Variants in DCX observed in about 807,000 individuals in gnomAD.
DCX encodes the protein neuronal migration protein doublecortin.
Under a neutral mutation model 20.9 loss-of-function variants are expected in DCX, and 4 were observed. The ratio of observed to expected loss-of-function variants is 0.19; its 90% CI spans 0.09 to 0.44. DCX has a LOEUF of 0.44. DCX is among the 20% of genes least tolerant of loss of function. DCX has a pLI of 0.99. For missense variants in DCX, 133 were observed against 296.9 expected (o/e 0.45, Z 4.06); for synonymous variants, 103 against 111.4 (o/e 0.92, Z 0.47).
chrX:111,379,830 CT>C (rs1925829793), intron 3 of DCX, among the ~76,000 whole-genome samples: 1 of 111,295 alleles, frequency 9.0e-6, no homozygotes, highest in African/African-American at 3.3e-5. Flanking sequence ...CATGAGGTTT[CT>C]TTCTTTCTTT....
intron 3 of DCX, among the ~76,000 whole-genome samples, chrX:111,374,881 G>A (rs182658629): frequency 2.5e-3 from 266 of 107,037 alleles, no homozygotes; most frequent in Admixed American, 6.5e-3. Context: ...AGGTTGTCTC[G>A]CCACCTGCTG....
In DCX at chrX:111,294,551, T is replaced by C. The variant is rs1383591661; in HGVS notation, c.*7136A>G. The stretch of plus-strand genomic sequence containing the variant: ...CACAATGCTGTTCCTTAAGAAATGA[T>C]CAATAACTGCTGAGAGATGGTTGAG... On this transcript the variant is annotated 3_prime_UTR_variant, in exon 7 of 7. Transcript: ENST00000636035. The C allele has an allele frequency of 9.0e-6, 1 of 111,651 alleles. No individual in the cohort carries two copies. Among genetic ancestry groups the C allele is most frequent in the African/African-American group, 3.3e-5 (1 of 30,679 alleles). The allele number at this position is 111,651 out of a possible 1,213,427, so 9.2% of individuals were successfully genotyped here. A position where few individuals can be genotyped will look rare whatever the true frequency, so the allele number is the denominator to read the frequency against.
rs1556369834 is a variant in DCX, at chrX:111,316,092, A to ATAAATAAATAAATT, written c.947-3357_947-3356insAATTTATTTATTTA. 1.5e-3 allele frequency among the ~76,000 whole-genome samples: 145 copies of ATAAATAAATAAATT among 96,334 alleles called. 1 individual carries two copies. The highest frequency in any genetic ancestry group is 6.1e-3 in the African/African-American group (138 of 22,456). 83.7% of individuals were successfully genotyped at this position (96,334 alleles called of 115,157 possible). On this transcript the variant is annotated intron_variant, in intron 5 of 6. Transcript: ENST00000636035. ...CTTAGAGTATAATAAAAAATAAAAA[A>ATAAATAAATAAATT]AAAAAAAAAAAAAAAAAATGTTAAG...
intron 6 of DCX, among the ~76,000 whole-genome samples, chrX:111,306,214 T>C (rs1260041303): frequency 1.8e-5 from 2 of 110,867 alleles, no homozygotes; most frequent in Admixed American, 1.9e-4. Flanking sequence ...AACCCACAAA[T>C]ATGTTGAAAG....
intron 3 of DCX, among the ~76,000 whole-genome samples, chrX:111,355,653 C>T (rs1337180793): frequency 9.0e-6 from 1 of 111,275 alleles, no homozygotes; most frequent in Non-Finnish European, 1.9e-5. Flanking sequence ...CTTTAGCCAT[C>T]CAAATTCAGC....
rs746897085 is a variant in DCX at position 111,380,334 on chromosome X, T to C, written c.705+20656A>G. Among the ~76,000 whole-genome samples, 608 of 111,939 alleles carry C rather than the reference T, an allele frequency of 5.4e-3. 7 individuals carry two copies. The highest frequency in any genetic ancestry group is 0.018 in the African/African-American group (564 of 30,913). Reference sequence around the variant, plus strand: ...ATTTGGGTCTTTGATTCATTTTGAGTTAATTTTTATATATGCTGTGAGGTG... The same window carrying C: ...ATTTGGGTCTTTGATTCATTTTGAGCTAATTTTTATATATGCTGTGAGGTG... On this transcript the variant is annotated intron_variant, in intron 3 of 6. Coordinates refer to ENST00000636035, the MANE Select transcript of DCX (RefSeq NM_001195553.2).
chrX:111,354,486 G>T (rs759695553), intron 3 of DCX, among the ~76,000 whole-genome samples: 2 of 111,991 alleles, frequency 1.8e-5, no homozygotes, highest in African/African-American at 6.5e-5. Context: ...CCCTCAAAGA[G>T]ACAAAGAGAC....
intron 3 of DCX, among the ~76,000 whole-genome samples, chrX:111,386,205 G>A (rs1328050992): frequency 3.6e-5 from 4 of 110,926 alleles, no homozygotes; most frequent in Non-Finnish European, 7.5e-5. Context: ...AGATGGGAAG[G>A]AGAATGATTG....
chrX:111,310,211 A>G (rs904135838), intron 6 of DCX, among the ~76,000 whole-genome samples: 1 of 111,598 alleles, frequency 9.0e-6, no homozygotes, highest in African/African-American at 3.3e-5. Context: ...TGGTGCCTGT[A>G]GTCCCAGCTG....
chrX:111,349,570 A>G (rs1233794931), intron 3 of DCX, among the ~76,000 whole-genome samples: 1 of 111,635 alleles, frequency 9.0e-6, no homozygotes, highest in African/African-American at 3.3e-5. Flanking sequence ...GACAGGAAAA[A>G]AAAAGCATGA....
rs749004139 is a variant in DCX, at chrX:111,321,941, TCA to T, written c.946+8961_946+8962del. Among the ~76,000 whole-genome samples, 16 of 112,196 alleles carry T rather than the reference TCA, an allele frequency of 1.4e-4. No homozygotes were observed. In the East Asian group the frequency reaches 4.5e-3, roughly 32 times the overall value. ...ACCACAGACCAAACCAAGTTAATGCTCATTCACTTAGCCCTGGCTTTCCCTCC... is the reference window on the plus strand; with the variant it reads ...ACCACAGACCAAACCAAGTTAATGCTTTCACTTAGCCCTGGCTTTCCCTCC... On this transcript the variant is annotated intron_variant, in intron 5 of 6. Transcript: ENST00000636035.
intron 6 of DCX, among the ~76,000 whole-genome samples, chrX:111,309,940 G>A (rs924676919): frequency 1.8e-5 from 2 of 112,095 alleles, no homozygotes; most frequent in Non-Finnish European, 3.8e-5. Context: ...ATCATGCTAT[G>A]GTTATGGAAG....
At chrX:111,353,046 C>A (rs1248368095) in intron 3 of DCX, among the ~76,000 whole-genome samples, 2 of 112,120 alleles carry the variant, frequency 1.8e-5, no homozygotes, top group Non-Finnish European at 3.8e-5. Flanking sequence ...GAGATAATGT[C>A]TGGCTTGGCC....
chrX:111,401,831 G>A (rs1927818631), intron 2 of DCX, among the ~76,000 whole-genome samples: 1 of 112,355 alleles, frequency 8.9e-6, no homozygotes, highest in South Asian at 3.7e-4. Flanking sequence ...AATGAACCAA[G>A]TAACCTTGTA....
intron 3 of DCX, among the ~76,000 whole-genome samples, chrX:111,391,062 TC>T (rs1926908097): frequency 9.1e-6 from 1 of 110,472 alleles, no homozygotes; most frequent in Non-Finnish European, 1.9e-5. Context: ...ACAATCAAGT[TC>T]TGATATGGTT....
chrX:111,400,975 T>C lies in DCX; in HGVS notation c.705+15A>G, dbSNP rs1475366921. The C allele has an allele frequency of 1.7e-6, 2 of 1,202,858 alleles. No individual in the cohort carries two copies. Among genetic ancestry groups the C allele is most frequent in the Non-Finnish European group, 2.3e-6 (2 of 887,440 alleles). ...TTTAGAAAAAACGGGAAAAGTACTT[T>C]GAAAAAGTACCTACCTGTTTTCCAT... On this transcript the variant is annotated intron_variant, in intron 3 of 6. Coordinates refer to ENST00000636035, the MANE Select transcript of DCX (RefSeq NM_001195553.2).
chrX:111,366,597 CAT>C (rs988541412), intron 3 of DCX, among the ~76,000 whole-genome samples: 14 of 112,026 alleles, frequency 1.2e-4, no homozygotes, highest in Non-Finnish European at 2.3e-4. Context: ...AAAGGGCAGA[CAT>C]AAGGATAAGC....
chrX:111,388,451 T>C (rs1926689132), intron 3 of DCX, among the ~76,000 whole-genome samples: 1 of 112,008 alleles, frequency 8.9e-6, no homozygotes, highest in Non-Finnish European at 1.9e-5. Context: ...CTAATTAAAA[T>C]ACAAATAAAT....
chrX:111,393,456 A>G (rs1285478645), intron 3 of DCX, among the ~76,000 whole-genome samples: 1 of 112,038 alleles, frequency 8.9e-6, no homozygotes, highest in Non-Finnish European at 1.9e-5. Context: ...GGTATAATGC[A>G]TAGAAGAAAA....
Sources: allele counts gnomAD v4.1 joint callset (sites outside exome capture counted in the v4.1 genomes callset), GRCh38; gene constraint gnomAD v4.1.1; transcripts MANE v1.5; gene names NCBI Gene and HGNC (gene_info 2026-07-23, HGNC 2026-07-21).